HEATR5B: variants seen among roughly 807,000 people sequenced by gnomAD.
HEATR5B encodes the protein HEAT repeat-containing protein 5B.
Under a neutral mutation model 224.1 loss-of-function variants are expected in HEATR5B, and 156 were observed. That is an observed-to-expected ratio of 0.70 (90% CI 0.61 to 0.80). The LOEUF (loss-of-function observed/expected upper bound fraction) is 0.80. HEATR5B is among the 30% of genes least tolerant of loss of function. The pLI is 0.00. For missense variants in HEATR5B, 2,323 were observed against 2,535.5 expected (o/e 0.92, Z 1.80); for synonymous variants, 1,027 against 893.0 (o/e 1.15, Z -2.68).
chr2:37,026,926 G>A (rs1036450360), intron 24 of HEATR5B, among the ~76,000 whole-genome samples: 14 of 152,178 alleles, frequency 9.2e-5, no homozygotes, highest in African/African-American at 3.1e-4. Flanking sequence ...AGCCTCCTGA[G>A]TAGCTGGGAC....
intron 24 of HEATR5B, among the ~76,000 whole-genome samples, chr2:37,024,946 G>A (rs1668677439): frequency 6.6e-6 from 1 of 152,164 alleles, no homozygotes; most frequent in Non-Finnish European, 1.5e-5. Context: ...GAAAAGGTGG[G>A]AATGAGAAGG....
chr2:37,015,248 T>C lies in HEATR5B; in HGVS notation c.4105-1228A>G, dbSNP rs1668042820. ...AGATTAAGGTAAAATTTACATTCCATGGAAAATGAATTTAGACTTCATTCT... is the reference window on the plus strand; with the variant it reads ...AGATTAAGGTAAAATTTACATTCCACGGAAAATGAATTTAGACTTCATTCT... On this transcript the variant is annotated intron_variant, in intron 26 of 35. Coordinates refer to ENST00000233099, the MANE Select transcript of HEATR5B (RefSeq NM_019024.3). 2.0e-5 allele frequency among the ~76,000 whole-genome samples: 3 copies of C among 152,220 alleles called. 1 individual carries two copies. In the South Asian group the frequency reaches 6.2e-4, roughly 32 times the overall value.
In HEATR5B at chr2:37,049,686, A is replaced by G; in HGVS notation, c.2663T>C (p.Phe888Ser). ...RMAQVVGEAT[F>S]IARMAQYSFD... ...GCTATATTGGGCCATTCTAGCAATAAAAGTTGCTTCTCCAACCACCTGAGC... is the reference window on the plus strand; with the variant it reads ...GCTATATTGGGCCATTCTAGCAATAGAAGTTGCTTCTCCAACCACCTGAGC... Residue 888 changes from phenylalanine (F) to serine (S), a missense_variant, in exon 18 of 36, where the codon TTT (phenylalanine) becomes TCT (serine). By Grantham distance (155) the Phe-to-Ser change is radical. Around this residue, in one of 12 missense-constraint regions of HEATR5B, gnomAD observed 170 missense variants for 216.7 expected, o/e 0.78. Transcript: ENST00000233099. 6.2e-7 allele frequency: 1 copy of G among 1,614,014 alleles called. No individual in the cohort carries two copies. Among genetic ancestry groups the G allele is most frequent in the South Asian group, 1.1e-5 (1 of 91,054 alleles).
rs756863774 is a variant in HEATR5B, at chr2:37,057,470, A to G, written c.2070T>C (p.Asn690=). 1.2e-6 allele frequency: 2 copies of G among 1,601,550 alleles called. No homozygotes were observed. Among genetic ancestry groups the G allele is most frequent in the African/African-American group, 1.3e-5 (1 of 74,194 alleles). Residue 690 remains asparagine (N), a synonymous_variant, in exon 15 of 36, where the codon AAT becomes AAC. Transcript: ENST00000233099. The part of the protein sequence containing the change: ...LPPKTYEGSF[N]ALLRELVAEF... ...CCGCTACCAGTTCTCTAAGAAGTGCATTAAAAGATCCTAAAAAACAGAACT... is the reference window on the plus strand; with the variant it reads ...CCGCTACCAGTTCTCTAAGAAGTGCGTTAAAAGATCCTAAAAAACAGAACT...
At chr2:37,046,031 T>C (rs1046623438) in intron 18 of HEATR5B, among the ~76,000 whole-genome samples, 5 of 152,244 alleles carry the variant, frequency 3.3e-5, no homozygotes, top group Non-Finnish European at 7.3e-5. Context: ...GAATAAGATT[T>C]CATCATTTTG....
Position 37,028,618 on chromosome 2 carries a change from T to C in HEATR5B, c.3601+63A>G, listed in dbSNP as rs2148461989. Reference sequence around the variant, plus strand: ...ATGTATGTATCTTTATACATATATCTATATGTATATATCAGAAGTAAAACA... The same window carrying C: ...ATGTATGTATCTTTATACATATATCCATATGTATATATCAGAAGTAAAACA... On this transcript the variant is annotated intron_variant, in intron 23 of 35. Transcript: ENST00000233099. 7 of 1,324,868 alleles carry C rather than the reference T, an allele frequency of 5.3e-6. No individual in the cohort carries two copies. In the East Asian group the frequency reaches 1.4e-4, roughly 27 times the overall value. 82.1% of individuals were successfully genotyped at this position (1,324,868 alleles called of 1,614,324 possible).
intron 21 of HEATR5B, among the ~76,000 whole-genome samples, chr2:37,035,383 G>C (rs1245874613): frequency 6.6e-6 from 1 of 152,142 alleles, no homozygotes; most frequent in African/African-American, 2.4e-5. Flanking sequence ...ATATGACTGT[G>C]TATGTGTGAA....
At position 37,056,337 on chromosome 2, in the gene HEATR5B, T is replaced by A. The variant is rs1236832643; in HGVS notation, c.2399+103A>T. On this transcript the variant is annotated intron_variant, in intron 16 of 35. Transcript: ENST00000233099. ...TGTAAGAGTACTGTTTTAAGTATTATAATAACTCACTTTATTGCAGAGTTA... is the reference window on the plus strand; with the variant it reads ...TGTAAGAGTACTGTTTTAAGTATTAAAATAACTCACTTTATTGCAGAGTTA... 8 of 753,348 alleles carry A rather than the reference T, an allele frequency of 1.1e-5. No homozygotes were observed. The East Asian group carries it at 2.0e-4, about 19-fold the overall frequency. 46.7% of individuals were successfully genotyped at this position (753,348 alleles called of 1,614,324 possible).
rs569541179 is a variant in HEATR5B, at chr2:37,038,166, G to A, written c.3047-142C>T. 34 of 527,402 alleles carry A rather than the reference G, an allele frequency of 6.4e-5. No individual in the cohort carries two copies. The Admixed American group carries it at 7.0e-4, about 11-fold the overall frequency. The allele number at this position is 527,402 out of a possible 1,614,324, so 32.7% of individuals were successfully genotyped here. ...TTTTTGCTGTTGTTTTTGAGATGGA[G>A]TCTCACTCTGTCGCCCAGGCTAGAG... On this transcript the variant is annotated intron_variant, in intron 20 of 35. Transcript: ENST00000233099.
chr2:37,006,791 A>G (rs773623894), intron 29 of HEATR5B, among the ~76,000 whole-genome samples: 30 of 152,252 alleles, frequency 2.0e-4, no homozygotes, highest in Non-Finnish European at 4.0e-4. Context: ...AATAAAAAAC[A>G]TATTACGTTT....
intron 18 of HEATR5B, among the ~76,000 whole-genome samples, chr2:37,049,391 A>G (rs1163154877): frequency 1.3e-5 from 2 of 152,206 alleles, no homozygotes; most frequent in African/African-American, 4.8e-5. Flanking sequence ...AGTCCTTATT[A>G]ACATTTTTCT....
chr2:37,083,481 G>A (rs569901237), intron 1 of HEATR5B, 45 bp from the exon 2 acceptor site: 1 of 1,403,222 alleles, frequency 7.1e-7, no homozygotes, highest in African/African-American at 1.4e-5. Context: ...ATTTTTTAAT[G>A]TTAAAAGTCA....
chr2:37,026,744 C>G (rs1341020667), intron 24 of HEATR5B, among the ~76,000 whole-genome samples: 1 of 152,114 alleles, frequency 6.6e-6, no homozygotes, highest in African/African-American at 2.4e-5. Flanking sequence ...ATGTATTGTG[C>G]TTTGCTGATT....
At chr2:37,080,837 G>A (rs377630885) in intron 2 of HEATR5B, among the ~76,000 whole-genome samples, 53 of 151,972 alleles carry the variant, frequency 3.5e-4, no homozygotes, top group African/African-American at 1.2e-3. Context: ...GTAGTAGTTA[G>A]TGAAGTGGGA....
At chr2:37,076,612 G>A (rs1367756984) in intron 4 of HEATR5B, among the ~76,000 whole-genome samples, 1 of 147,184 alleles carries the variant, frequency 6.8e-6, no homozygotes, top group African/African-American at 2.5e-5. Flanking sequence ...ATTTATTACA[G>A]TAACCAGGAA....
At chr2:37,044,761 G>C (rs1301264110) in intron 18 of HEATR5B, among the ~76,000 whole-genome samples, 1 of 152,156 alleles carries the variant, frequency 6.6e-6, no homozygotes, top group Non-Finnish European at 1.5e-5. Context: ...CCTTTGCTGA[G>C]ATTTCAATTA....
intron 27 of HEATR5B, among the ~76,000 whole-genome samples, chr2:37,011,481 C>T (rs1434339391): frequency 6.6e-6 from 1 of 152,076 alleles, no homozygotes; most frequent in Non-Finnish European, 1.5e-5. Context: ...AATAATTATG[C>T]TATAAAAAGT....
chr2:37,025,691 C>T (rs1339052420), intron 24 of HEATR5B, among the ~76,000 whole-genome samples: 4 of 152,034 alleles, frequency 2.6e-5, no homozygotes, highest in African/African-American at 9.7e-5. Context: ...GTGAGGATCT[C>T]TGAGAACTAA....
Position 37,013,842 on chromosome 2 carries a change from T to G in HEATR5B, c.4283A>C (p.Glu1428Ala). 1 of 1,576,372 alleles carries G rather than the reference T, an allele frequency of 6.3e-7. No individual in the cohort carries two copies. The highest frequency in any genetic ancestry group is 8.6e-7 in the Non-Finnish European group (1 of 1,159,232). Residue 1428 changes from glutamate to alanine, a missense_variant and splice_region_variant, in exon 27 of 36, where the codon GAG becomes GCG. Around this residue, in one of 12 missense-constraint regions of HEATR5B, gnomAD observed 844 missense variants for 812.9 expected, o/e 1.04. Coordinates refer to ENST00000233099, the MANE Select transcript of HEATR5B (RefSeq NM_019024.3). ...EKLAVLKAWA[E>A]VYVVAMNIKK... is the part of the protein sequence containing the mutation. The stretch of plus-strand genomic sequence containing the variant: ...AATAGATTGTGGTTTAGTCGTTACC[T>G]CTGCCCAAGCTTTGAGAACAGCCAG...
Sources: allele counts gnomAD v4.1 joint callset (sites outside exome capture counted in the v4.1 genomes callset), GRCh38; gene constraint gnomAD v4.1.1; regional missense constraint gnomAD v4.1.1; transcripts MANE v1.5; gene names NCBI Gene and HGNC (gene_info 2026-07-23, HGNC 2026-07-21).